RPSA2: variants seen among roughly 807,000 people sequenced by gnomAD.
RPSA2 encodes the protein ribosomal protein SA 2, also known as small ribosomal subunit protein uS2B.
the RPSA2 span, among the ~76,000 whole-genome samples, chr19:23,847,369 CA>C: frequency 6.6e-6 from 1 of 151,976 alleles, no homozygotes; most frequent in African/African-American, 2.4e-5. Flanking sequence ...TTCTGTTTTC[CA>C]TAAATGTCAG....
the RPSA2 span, chr19:23,817,514 C>A: frequency 6.6e-6 from 1 of 152,256 alleles, no homozygotes; most frequent in African/African-American, 2.4e-5. Context: ...GTAAAGACTT[C>A]TATATTTGTA....
chr19:23,863,946 C>T, the RPSA2 span, among the ~76,000 whole-genome samples: 1 of 152,152 alleles, frequency 6.6e-6, no homozygotes, highest in Non-Finnish European at 1.5e-5. Flanking sequence ...AACACACAGA[C>T]CACCATGTTC....
At chr19:23,758,888 A>G in the RPSA2 span, 4 of 1,198,052 alleles carry the variant, frequency 3.3e-6, no homozygotes, top group East Asian at 9.4e-5. Context: ...CTGAAGGGAG[A>G]GACAAAGGCC....
the RPSA2 span, among the ~76,000 whole-genome samples, chr19:23,815,963 A>G: frequency 6.7e-6 from 1 of 150,122 alleles, no homozygotes; most frequent in African/African-American, 2.4e-5. Context: ...TCTAATACAC[A>G]ATTGTAGTTA....
At chr19:23,856,684 C>A in the RPSA2 span, among the ~76,000 whole-genome samples, 1 of 152,098 alleles carries the variant, frequency 6.6e-6, no homozygotes, top group Non-Finnish European at 1.5e-5. Flanking sequence ...TAATTGTCGG[C>A]CGGTCTGAGA....
the RPSA2 span, among the ~76,000 whole-genome samples, chr19:23,770,179 A>G: frequency 3.5e-4 from 1 of 2,894 alleles, no homozygotes; most frequent in African/African-American, 3.7e-4. Context: ...GGCCCTCCCC[A>G]TAAAGGTAGT....
chr19:23,837,765 G>A, the RPSA2 span, among the ~76,000 whole-genome samples: 1 of 152,128 alleles, frequency 6.6e-6, no homozygotes, highest in Non-Finnish European at 1.5e-5. Flanking sequence ...GTTGCTGTTG[G>A]TGAATAGAAG....
the RPSA2 span, among the ~76,000 whole-genome samples, chr19:23,793,541 A>C: frequency 6.6e-6 from 1 of 151,766 alleles, no homozygotes; most frequent in Admixed American, 6.6e-5. Flanking sequence ...CTGCAGCCTC[A>C]ACCTTCCAGG....
At chr19:23,789,300 C>T in the RPSA2 span, among the ~76,000 whole-genome samples, 3 of 152,186 alleles carry the variant, frequency 2.0e-5, no homozygotes, top group Admixed American at 2.0e-4. Context: ...TGCATCCAGT[C>T]TGCCTGCCAC....
the RPSA2 span, among the ~76,000 whole-genome samples, chr19:23,773,920 T>C: frequency 6.6e-6 from 1 of 152,196 alleles, no homozygotes; most frequent in East Asian, 1.9e-4. Context: ...AACCAGAACA[T>C]GTGTGGGATT....
the RPSA2 span, among the ~76,000 whole-genome samples, chr19:23,821,893 G>A: frequency 6.6e-6 from 1 of 152,138 alleles, no homozygotes; most frequent in African/African-American, 2.4e-5. Flanking sequence ...CTAAGCCTCT[G>A]CTCTGTTTCC....
chr19:23,837,048 AT>A, the RPSA2 span, among the ~76,000 whole-genome samples: 1 of 152,082 alleles, frequency 6.6e-6, no homozygotes, highest in African/African-American at 2.4e-5. Flanking sequence ...TGGTCATGAA[AT>A]TTTGGCCAAC....
the RPSA2 span, among the ~76,000 whole-genome samples, chr19:23,807,555 TGTTA>T: frequency 6.6e-6 from 1 of 152,226 alleles, no homozygotes; most frequent in African/African-American, 2.4e-5. Context: ...AAAATGTGCA[TGTTA>T]GTGTCTATGC....
the RPSA2 span, among the ~76,000 whole-genome samples, chr19:23,796,878 A>G: frequency 1.2e-3 from 159 of 129,512 alleles, 1 homozygote; most frequent in African/African-American, 4.2e-3. Context: ...TTTTTTTTTC[A>G]TAGACTTAAT....
At chr19:23,759,005 T>A in the RPSA2 span, 222 of 568,440 alleles carry the variant, frequency 3.9e-4, no homozygotes, top group Admixed American at 7.4e-4. Flanking sequence ...ACCCCTCAGG[T>A]CCTGAGTGAC....
At chr19:23,769,025 A>G in the RPSA2 span, among the ~76,000 whole-genome samples, 2 of 152,150 alleles carry the variant, frequency 1.3e-5, no homozygotes, top group South Asian at 4.1e-4. Flanking sequence ...AGAGAGAATG[A>G]CTTATTCCTG....
the RPSA2 span, among the ~76,000 whole-genome samples, chr19:23,822,200 C>CAG: frequency 2.0e-5 from 3 of 152,226 alleles, no homozygotes; most frequent in African/African-American, 7.2e-5. Flanking sequence ...CACCTTCCCT[C>CAG]AATCATTGCA....
the RPSA2 span, among the ~76,000 whole-genome samples, chr19:23,812,388 C>CTTTTTTTTTTTTTTTTTTTTTTTTTT: frequency 1.2e-4 from 14 of 114,178 alleles, 1 homozygote; most frequent in South Asian, 6.2e-4. Context: ...CTCTTTTTCT[C>CTTTTTTTTTTTTTTTTTTTTTTTTTT]TTTTTTTTTT....
At chr19:23,832,192 A>G in the RPSA2 span, 1 of 429,346 alleles carries the variant, frequency 2.3e-6, no homozygotes, top group African/African-American at 2.1e-5. Flanking sequence ...AACTAGATAT[A>G]AGAGGATGCA....
Sources: gnomAD v4.1 joint callset for allele counts (sites outside exome capture counted in the v4.1 genomes callset) on GRCh38, gnomAD v4.1.1 for gene constraint, MANE v1.5 for transcripts, NCBI Gene and HGNC (gene_info 2026-07-23, HGNC 2026-07-21) for gene names.